GALNT18: variants seen among roughly 807,000 people sequenced by gnomAD.
GALNT18 encodes polypeptide N-acetylgalactosaminyltransferase 18, also known as GalNAc-transferase 18.
Under a neutral mutation model 69.5 loss-of-function variants are expected in GALNT18, and 44 were observed. The observed-to-expected ratio is 0.63, with a 90% CI of 0.50 to 0.81. GALNT18 has a LOEUF of 0.81. Among genes scored for constraint, GALNT18 ranks in the 40% least tolerant of loss-of-function variants. The pLI is 0.00. For synonymous variants in GALNT18, 364 were observed against 318.2 expected, an observed-to-expected ratio of 1.14 and a Z score of -1.53; for missense variants, 715 against 810.0, an observed-to-expected ratio of 0.88 and a Z score of 1.42.
At position 11,276,061 on chromosome 11, in the gene GALNT18, CTG is replaced by C. The variant is rs530260429; in HGVS notation, c.1678-4773_1678-4772del. Among the ~76,000 whole-genome samples the C allele has an allele frequency of 9.2e-5, 14 of 152,322 alleles. No homozygotes were observed. The South Asian group carries it at 1.7e-3, about 18-fold the overall frequency. On this transcript the variant is annotated intron_variant, in intron 10 of 10. Transcript: ENST00000227756. ...AACTTTAAAGTAGTTTTCTCTAACT[CTG>C]TGAAGAAAGTCAGTGGTAGCTTGAT...
rs1405661593 is a variant in GALNT18, at chr11:11,436,354, G to A, written c.429-3567C>T. 6.8e-6 allele frequency among the ~76,000 whole-genome samples: 1 copy of A among 147,956 alleles called. No homozygotes were observed. Among genetic ancestry groups the A allele is most frequent in the African/African-American group, 2.5e-5 (1 of 40,742 alleles). Reference sequence around the variant, plus strand: ...TTCCCCTCCCTCCCAACCCACAAATGCCACAGGACACATCCCCTTGCCACC... The same window carrying A: ...TTCCCCTCCCTCCCAACCCACAAATACCACAGGACACATCCCCTTGCCACC... On this transcript the variant is annotated intron_variant, in intron 2 of 10. Transcript: ENST00000227756. The surrounding 1 kb of genome is among the most constrained non-coding windows in gnomAD (Gnocchi z 4.5).
Position 11,523,424 on chromosome 11 carries a change from A to G in GALNT18, c.236-74488T>C, listed in dbSNP as rs1857444689. Among the ~76,000 whole-genome samples, 1 of 152,126 alleles carries G rather than the reference A, an allele frequency of 6.6e-6. No homozygotes were observed. The highest frequency in any genetic ancestry group is 1.5e-5 in the Non-Finnish European group (1 of 68,024). On this transcript the variant is annotated intron_variant, in intron 1 of 10. Coordinates refer to ENST00000227756, the MANE Select transcript of GALNT18 (RefSeq NM_198516.3). This position sits in a 1 kb window ranked among gnomAD's most constrained non-coding sequence, Gnocchi z 4.3. ...GCTACCTCTAGAGGTCTTCAAACTC[A>G]AGAAGTCTGGTTTCAAAGCTAATGC...
rs985536577 is a variant in GALNT18 at position 11,347,442 on chromosome 11, G to A, written c.1093-6438C>T. Reference sequence around the variant, plus strand: ...CTTGTTAATATCCTTCTGAAGCACTGTGTTGGGAAGAATTCTGAGGCTCTG... The same window carrying A: ...CTTGTTAATATCCTTCTGAAGCACTATGTTGGGAAGAATTCTGAGGCTCTG... On this transcript the variant is annotated intron_variant, in intron 6 of 10. Transcript: ENST00000227756. The surrounding 1 kb of genome is among the most constrained non-coding windows in gnomAD (Gnocchi z 4.0). Among the ~76,000 whole-genome samples the A allele has an allele frequency of 2.0e-5, 3 of 152,188 alleles. No individual in the cohort carries two copies. The highest frequency in any genetic ancestry group is 2.9e-5 in the Non-Finnish European group (2 of 68,038).
At position 11,523,871 on chromosome 11, in the gene GALNT18, C is replaced by T. The variant is rs1243482542; in HGVS notation, c.236-74935G>A. Among the ~76,000 whole-genome samples, 1 of 152,066 alleles carries T rather than the reference C, an allele frequency of 6.6e-6. No individual in the cohort carries two copies. The highest frequency in any genetic ancestry group is 1.5e-5 in the Non-Finnish European group (1 of 67,998). ...CTCATGGAATTGCCAAGAGAGGTAG[C>T]GAACCAGGCTCTCAGGTCACCAAGA... On this transcript the variant is annotated intron_variant, in intron 1 of 10. Coordinates refer to ENST00000227756, the MANE Select transcript of GALNT18 (RefSeq NM_198516.3). The surrounding 1 kb of genome is among the most constrained non-coding windows in gnomAD (Gnocchi z 4.3).
At chr11:11,577,766 G>C (rs1000470277) in intron 1 of GALNT18, among the ~76,000 whole-genome samples, 1 of 152,334 alleles carries the variant, frequency 6.6e-6, no homozygotes, top group Admixed American at 6.5e-5. Flanking sequence ...TTGAGGGAGA[G>C]AGCATCTTCA....
At chr11:11,395,295 C>T (rs1253876456) in intron 3 of GALNT18, among the ~76,000 whole-genome samples, 2 of 152,154 alleles carry the variant, frequency 1.3e-5, no homozygotes, top group African/African-American at 4.8e-5. Flanking sequence ...TCGTGTCCAA[C>T]CAGGAGCAGA....
rs931691652 is a variant in GALNT18 at position 11,598,518 on chromosome 11, A to G, written c.235+22841T>C. Among the ~76,000 whole-genome samples, 3 of 152,158 alleles carry G rather than the reference A, an allele frequency of 2.0e-5. No individual in the cohort carries two copies. Among genetic ancestry groups the G allele is most frequent in the African/African-American group, 7.2e-5 (3 of 41,450 alleles). ...TCCTCTGCTTCTCTCTTAGGAGGTTACTGATTATCAAATTTAGGGCTCATC... is the reference window on the plus strand; with the variant it reads ...TCCTCTGCTTCTCTCTTAGGAGGTTGCTGATTATCAAATTTAGGGCTCATC... On this transcript the variant is annotated intron_variant, in intron 1 of 10. Transcript: ENST00000227756. The surrounding 1 kb of genome is among the most constrained non-coding windows in gnomAD (Gnocchi z 4.8).
At chr11:11,445,512 T>C (rs1855628171) in intron 2 of GALNT18, among the ~76,000 whole-genome samples, 1 of 152,224 alleles carries the variant, frequency 6.6e-6, no homozygotes. Flanking sequence ...AAGGCAGGGA[T>C]GTTTTTATGG....
At chr11:11,277,095 A>C (rs1469559136) in intron 10 of GALNT18, among the ~76,000 whole-genome samples, 1 of 151,586 alleles carries the variant, frequency 6.6e-6, no homozygotes, top group Non-Finnish European at 1.5e-5. Flanking sequence ...GGTACCAGCA[A>C]CTCTTTGTGC....
Position 11,389,716 on chromosome 11 carries a change from C to A in GALNT18, c.596-10452G>T, listed in dbSNP as rs975605948. ...GGGAGGGCGTACCAAGAACTCAAAG[C>A]CTTGGGAATTGCTGGCAGATAGTGT... On this transcript the variant is annotated intron_variant, in intron 3 of 10. Transcript: ENST00000227756. This position sits in a 1 kb window ranked among gnomAD's most constrained non-coding sequence, Gnocchi z 4.3. 6.6e-6 allele frequency among the ~76,000 whole-genome samples: 1 copy of A among 152,136 alleles called. No homozygotes were observed. Among genetic ancestry groups the A allele is most frequent in the Non-Finnish European group, 1.5e-5 (1 of 68,024 alleles).
At chr11:11,271,376 G>A (rs1564871962) in intron 10 of GALNT18, 86 bp from the exon 11 acceptor site, 2 of 1,400,122 alleles carry the variant, frequency 1.4e-6, no homozygotes, top group South Asian at 2.5e-5. Flanking sequence ...GGCTGGTGAG[G>A]GCTGACATTA....
intron 9 of GALNT18, among the ~76,000 whole-genome samples, chr11:11,302,645 G>C (rs945652514): frequency 6.6e-6 from 1 of 152,242 alleles, no homozygotes; most frequent in Non-Finnish European, 1.5e-5. Flanking sequence ...CAGGGTGGTA[G>C]GCCAGGCCTC....
intron 1 of GALNT18, among the ~76,000 whole-genome samples, chr11:11,517,648 C>A (rs1468036670): frequency 6.6e-6 from 1 of 151,968 alleles, no homozygotes; most frequent in Non-Finnish European, 1.5e-5. Flanking sequence ...GTGGTTACTC[C>A]CCTCCTTATC....
chr11:11,368,271 T>A (rs1385672685), intron 6 of GALNT18, among the ~76,000 whole-genome samples: 1 of 152,256 alleles, frequency 6.6e-6, no homozygotes, highest in Non-Finnish European at 1.5e-5. Context: ...AGTTCCTCTA[T>A]GGTATATCTA....
In GALNT18 at chr11:11,555,006, C is replaced by T. The variant is rs1166978363; in HGVS notation, c.235+66353G>A. On this transcript the variant is annotated intron_variant, in intron 1 of 10. Coordinates refer to ENST00000227756, the MANE Select transcript of GALNT18 (RefSeq NM_198516.3). This position sits in a 1 kb window ranked among gnomAD's most constrained non-coding sequence, Gnocchi z 4.7. ...CTGAACCTACTCTTGCAGGCACCTT[C>T]CTTGCACTTTGAGATTGTGGTCTCA... Among the ~76,000 whole-genome samples, 2 of 152,206 alleles carry T rather than the reference C, an allele frequency of 1.3e-5. No homozygotes were observed. Among genetic ancestry groups the T allele is most frequent in the African/African-American group, 2.4e-5 (1 of 41,458 alleles).
At chr11:11,549,653 C>G (rs1483668484) in intron 1 of GALNT18, among the ~76,000 whole-genome samples, 3 of 152,228 alleles carry the variant, frequency 2.0e-5, no homozygotes, top group Non-Finnish European at 2.9e-5. Context: ...AGCTCTTTCC[C>G]ATTATCCCCA....
At chr11:11,313,395 A>T (rs1849701321) in intron 9 of GALNT18, among the ~76,000 whole-genome samples, 1 of 152,222 alleles carries the variant, frequency 6.6e-6, no homozygotes, top group Non-Finnish European at 1.5e-5. Flanking sequence ...CAGTACTGTC[A>T]GGGAGAAAAC....
Position 11,534,021 on chromosome 11 carries a change from C to T in GALNT18, c.236-85085G>A, listed in dbSNP as rs547880172. Among the ~76,000 whole-genome samples, 6 of 152,198 alleles carry T rather than the reference C, an allele frequency of 3.9e-5. No homozygotes were observed. The East Asian group carries it at 5.8e-4, about 15-fold the overall frequency. ...TGTGCCAGCACTATGCATCATCTCA[C>T]GCAGCCTCATCACACCCCATGCTAG... On this transcript the variant is annotated intron_variant, in intron 1 of 10. Transcript: ENST00000227756.
chr11:11,411,154 AC>A (rs1854717168), intron 3 of GALNT18, among the ~76,000 whole-genome samples: 1 of 152,190 alleles, frequency 6.6e-6, no homozygotes, highest in African/African-American at 2.4e-5. Context: ...TTCTAAATAA[AC>A]AAAAATAAAT....
Sources: allele counts gnomAD v4.1 joint callset (sites outside exome capture counted in the v4.1 genomes callset), GRCh38; gene constraint gnomAD v4.1.1; non-coding constraint Gnocchi (gnomAD v3.1); transcripts MANE v1.5; gene names NCBI Gene and HGNC (gene_info 2026-07-23, HGNC 2026-07-21).